ADGRG7: variants seen among roughly 807,000 people sequenced by gnomAD.
The protein encoded by ADGRG7 is G-protein coupled receptor 128.
A neutral mutation model predicts 88.6 loss-of-function variants in ADGRG7; 82 were observed. The observed-to-expected ratio is 0.93, with a 90% CI of 0.77 to 1.11. The LOEUF is 1.11. ADGRG7 is among the 50% of genes most tolerant of loss of function. The pLI is 0.00. For synonymous variants in ADGRG7, 381 were observed against 345.2 expected, an observed-to-expected ratio of 1.10 and a Z score of -1.15; for missense variants, 945 against 953.4, an observed-to-expected ratio of 0.99 and a Z score of 0.12.
intron 4 of ADGRG7, among the ~76,000 whole-genome samples, chr3:100,634,024 G>A (rs181569236): frequency 2.0e-5 from 3 of 152,252 alleles, no homozygotes; most frequent in Non-Finnish European, 4.4e-5. Flanking sequence ...TGAAGAGAAA[G>A]AAACTATTAT....
chr3:100,665,853 T>G (rs2094951035), intron 14 of ADGRG7, among the ~76,000 whole-genome samples: 1 of 152,228 alleles, frequency 6.6e-6, no homozygotes, highest in South Asian at 2.1e-4. Flanking sequence ...GTTCATAAAT[T>G]AGCCTAGTTA....
At chr3:100,672,072 G>GT (rs2094959428) in intron 15 of ADGRG7, among the ~76,000 whole-genome samples, 1 of 152,180 alleles carries the variant, frequency 6.6e-6, no homozygotes, top group Admixed American at 6.5e-5. Context: ...ATTTAAAGTA[G>GT]TTTTTTCTAA....
chr3:100,650,545 T>C (rs2094927647), intron 11 of ADGRG7, among the ~76,000 whole-genome samples: 1 of 152,224 alleles, frequency 6.6e-6, no homozygotes, highest in Non-Finnish European at 1.5e-5. Flanking sequence ...TGAAGATTTG[T>C]CTGAAATTTT....
chr3:100,691,712 C>CTTTTTTTTTTTTT (rs1433576577), intron 15 of ADGRG7, among the ~76,000 whole-genome samples: 1 of 150,298 alleles, frequency 6.7e-6, no homozygotes, highest in African/African-American at 2.4e-5. Context: ...GGGCTTTATT[C>CTTTTTTTTTTTTT]TTTTGTGGTG....
chr3:100,626,802 T>C (rs1344833624), intron 1 of ADGRG7, among the ~76,000 whole-genome samples: 1 of 152,168 alleles, frequency 6.6e-6, no homozygotes, highest in African/African-American at 2.4e-5. Context: ...AAAAATTATC[T>C]GAACAATGAG....
chr3:100,686,198 C>T (rs1415588708), intron 15 of ADGRG7, among the ~76,000 whole-genome samples: 1 of 151,828 alleles, frequency 6.6e-6, no homozygotes, highest in Non-Finnish European at 1.5e-5. Flanking sequence ...TGTTCATATC[C>T]TTTGCCCACT....
Position 100,655,171 on chromosome 3 carries a change from A to T in ADGRG7, c.1716A>T (p.Leu572Phe), listed in dbSNP as rs1167183646. 2.5e-6 allele frequency: 4 copies of T among 1,605,368 alleles called. No individual in the cohort carries two copies. The highest frequency in any genetic ancestry group is 3.4e-6 in the Non-Finnish European group (4 of 1,173,574). ...LPRHFILFIS[L>F]IGWGVPAIVV... ...GGCATTTCATTCTTTTCATCTCATT[A>T]ATTGGATGGGGTAAGTGTTTGCATC... Residue 572 changes from leucine to phenylalanine, a missense_variant, in exon 12 of 16, where the codon TTA (leucine) becomes TTT (phenylalanine). Coordinates refer to ENST00000273352, the MANE Select transcript of ADGRG7 (RefSeq NM_032787.3).
intron 8 of ADGRG7, among the ~76,000 whole-genome samples, chr3:100,644,596 C>T (rs1292184726): frequency 4.6e-5 from 7 of 152,076 alleles, no homozygotes; most frequent in African/African-American, 4.8e-5. Flanking sequence ...CTCTACCTCA[C>T]GAATCACTGC....
intron 8 of ADGRG7, 57 bp from the exon 9 acceptor site, chr3:100,645,885 ATTG>A: frequency 2.1e-6 from 3 of 1,448,740 alleles, no homozygotes; most frequent in Non-Finnish European, 1.9e-6. Flanking sequence ...AACGTGACAT[ATTG>A]TTTTTTGTTT....
At chr3:100,653,695 A>G (rs2094932887) in intron 11 of ADGRG7, among the ~76,000 whole-genome samples, 1 of 152,116 alleles carries the variant, frequency 6.6e-6, no homozygotes, top group African/African-American at 2.4e-5. Flanking sequence ...TTGCAGTCAG[A>G]TGGCGGCTGG....
intron 15 of ADGRG7, among the ~76,000 whole-genome samples, chr3:100,694,210 C>T (rs182491645): frequency 3.2e-4 from 48 of 152,262 alleles, no homozygotes; most frequent in African/African-American, 1.1e-3. Flanking sequence ...GCAGTTTTTA[C>T]TGGAAACATA....
At chr3:100,633,623 G>T (rs1042005282) in intron 4 of ADGRG7, among the ~76,000 whole-genome samples, 2 of 152,066 alleles carry the variant, frequency 1.3e-5, no homozygotes, top group African/African-American at 4.8e-5. Context: ...CTCCCAGGTT[G>T]AAGCAATCCT....
intron 14 of ADGRG7, among the ~76,000 whole-genome samples, chr3:100,663,632 T>G (rs1475161494): frequency 4.6e-5 from 7 of 152,036 alleles, no homozygotes; most frequent in Non-Finnish European, 7.4e-5. Flanking sequence ...TCTTTACTTC[T>G]CACAGAAACC....
intron 14 of ADGRG7, 82 bp from the exon 15 acceptor site, chr3:100,668,867 A>G: frequency 9.8e-7 from 1 of 1,024,454 alleles, no homozygotes; most frequent in Non-Finnish European, 1.4e-6. Context: ...CTGAATATAC[A>G]TTCTAAATAG....
chr3:100,668,697 T>A (rs189591397), intron 14 of ADGRG7, among the ~76,000 whole-genome samples: 7 of 152,346 alleles, frequency 4.6e-5, no homozygotes, highest in Admixed American at 4.6e-4. Flanking sequence ...ATTTGCCTGC[T>A]GTAGTATTAA....
chr3:100,667,100 G>C (rs1051975676), intron 14 of ADGRG7, among the ~76,000 whole-genome samples: 2 of 151,914 alleles, frequency 1.3e-5, no homozygotes, highest in Non-Finnish European at 2.9e-5. Flanking sequence ...TCCCCACACC[G>C]CCTCCTGGGT....
At chr3:100,662,911 T>C (rs1046817766) in intron 14 of ADGRG7, among the ~76,000 whole-genome samples, 2 of 152,022 alleles carry the variant, frequency 1.3e-5, no homozygotes, top group Admixed American at 6.6e-5. Context: ...AAAAGAACAA[T>C]GCAAAATTTA....
At chr3:100,612,260 A>C (rs1053471889) in intron 1 of ADGRG7, among the ~76,000 whole-genome samples, 2 of 152,162 alleles carry the variant, frequency 1.3e-5, no homozygotes, top group Admixed American at 6.5e-5. Flanking sequence ...TTTCAGTAAG[A>C]AGTTACTCTG....
chr3:100,671,859 T>C (rs888267569), intron 15 of ADGRG7, among the ~76,000 whole-genome samples: 13 of 152,196 alleles, frequency 8.5e-5, no homozygotes, highest in African/African-American at 3.1e-4. Flanking sequence ...AAAGGTCAGA[T>C]GGTTGTAGAT....
Sources: allele counts gnomAD v4.1 joint callset (sites outside exome capture counted in the v4.1 genomes callset), GRCh38; gene constraint gnomAD v4.1.1; transcripts MANE v1.5; gene names NCBI Gene and HGNC (gene_info 2026-07-23, HGNC 2026-07-21).